The following TG variants were observed in gnomAD, a reference collection of about 807,000 sequenced individuals.
The protein encoded by TG is thyroid hormones.
A neutral mutation model predicts 324.7 loss-of-function variants in TG; 270 were observed. The observed-to-expected ratio is 0.83, with a 90% CI of 0.75 to 0.92. The LOEUF (loss-of-function observed/expected upper bound fraction) is 0.92, where lower values mean the gene tolerates loss of function less well. Ranked by LOEUF, TG falls within the 40% of genes least tolerant of loss-of-function variation. The probability of loss-of-function intolerance (pLI) is 0.00; values close to 1 mark genes in which losing one functional copy is unlikely to be tolerated. For missense variants in TG, 3,591 were observed against 3,456.4 expected (o/e 1.04, Z -0.98); for synonymous variants, 1,401 against 1,327.0 (o/e 1.06, Z -1.21).
At chr8:133,059,190 C>T in intron 41 of TG, 3 of 452,926 alleles carry the variant, frequency 6.6e-6, no homozygotes, top group Middle Eastern at 6.6e-4. Context: ...TGTGTGGTCA[C>T]CCCTGCGAGG....
chr8:133,128,037 TC>T (rs1220577779), intron 45 of TG, among the ~76,000 whole-genome samples: 6 of 152,138 alleles, frequency 3.9e-5, no homozygotes, highest in African/African-American at 1.4e-4. Flanking sequence ...ATTTCATTTC[TC>T]TCTCTTCTTA....
In TG at chr8:132,886,682, A is replaced by T. The variant is rs1278054295; in HGVS notation, c.1310A>T (p.Glu437Val). ...CAGAGCCAACAGTTTTCTGTCTCAGAAAATCTTCTCAAAGAAGCCATCCGA... is the reference window on the plus strand; with the variant it reads ...CAGAGCCAACAGTTTTCTGTCTCAGTAAATCTTCTCAAAGAAGCCATCCGA... ...EGQSQQFSVS[E>V]NLLKEAIRAI... is the part of the protein sequence containing the mutation. Residue 437 changes from glutamate to valine, a missense_variant, in exon 9 of 48, where the codon GAA becomes GTA. Physicochemically the swap from Glu to Val is moderately radical, Grantham distance 121. Transcript: ENST00000220616. 6 of 1,614,092 alleles carry T rather than the reference A, an allele frequency of 3.7e-6. No individual in the cohort carries two copies. The highest frequency in any genetic ancestry group is 5.1e-6 in the Non-Finnish European group (6 of 1,180,052).
chr8:133,008,445 A>G (rs1834212068), intron 35 of TG, among the ~76,000 whole-genome samples: 1 of 152,226 alleles, frequency 6.6e-6, no homozygotes, highest in African/African-American at 2.4e-5. Context: ...ATTAAAGGAG[A>G]GATTATATTT....
chr8:133,043,634 A>G (rs1838745842), intron 41 of TG, among the ~76,000 whole-genome samples: 1 of 152,178 alleles, frequency 6.6e-6, no homozygotes, highest in Non-Finnish European at 1.5e-5. Context: ...ACCTTGCCCA[A>G]GGCCTCACAA....
chr8:132,925,292 T>G (rs1821682435), intron 22 of TG, among the ~76,000 whole-genome samples: 1 of 152,200 alleles, frequency 6.6e-6, no homozygotes, highest in South Asian at 2.1e-4. Context: ...CTTTGTATTC[T>G]TCATTCTACC....
At chr8:132,947,041 G>T (rs1462498625) in intron 26 of TG, among the ~76,000 whole-genome samples, 1 of 152,176 alleles carries the variant, frequency 6.6e-6, no homozygotes, top group Non-Finnish European at 1.5e-5. Context: ...CTCTGAGTGT[G>T]CCCCTTGCTG....
intron 28 of TG, among the ~76,000 whole-genome samples, chr8:132,962,705 A>T (rs937145773): frequency 5.3e-5 from 8 of 152,222 alleles, no homozygotes; most frequent in African/African-American, 1.7e-4. Flanking sequence ...CTACCTACAC[A>T]GGGAGTTATA....
intron 35 of TG, among the ~76,000 whole-genome samples, chr8:132,996,986 G>A (rs1167373824): frequency 2.0e-5 from 3 of 152,296 alleles, no homozygotes; most frequent in Non-Finnish European, 4.4e-5. Context: ...AGATTTCAGG[G>A]AAACTCAGAC....
chr8:132,872,317 A>C (rs1839560557), intron 4 of TG, among the ~76,000 whole-genome samples: 1 of 151,622 alleles, frequency 6.6e-6, no homozygotes. Context: ...TCTCTACTAA[A>C]AATACAAAAA....
intron 4 of TG, 60 bp downstream of exon 4, chr8:132,871,611 T>G: frequency 6.4e-7 from 1 of 1,550,480 alleles, no homozygotes; most frequent in Non-Finnish European, 8.8e-7. Context: ...CTTTCCTCAC[T>G]GCGATCCAAC....
In TG at chr8:133,102,497, C is replaced by G. The variant is rs916557693; in HGVS notation, c.7572+6124C>G. 2.6e-5 allele frequency: 39 copies of G among 1,520,090 alleles called. No individual in the cohort carries two copies. In the South Asian group the frequency reaches 4.3e-4, roughly 17 times the overall value. 94.2% of individuals were successfully genotyped at this position (1,520,090 alleles called of 1,614,324 possible). A position where few individuals can be genotyped will look rare whatever the true frequency, so the allele number is the denominator to read the frequency against. ...GAAGACCCTCCCCCACATACCACCC[C>G]AGGCCACCTATGGCCCACCCAGGGG... On this transcript the variant is annotated intron_variant, in intron 43 of 47. Transcript: ENST00000220616.
chr8:133,081,721 T>C (rs2702979), intron 41 of TG, among the ~76,000 whole-genome samples: 69,765 of 152,014 alleles, frequency 0.46, 16,390 homozygotes, highest in African/African-American at 0.52. Flanking sequence ...TCGGGGGAGA[T>C]CTTACTGTTC....
intron 35 of TG, among the ~76,000 whole-genome samples, chr8:132,997,900 T>G (rs1228560238): frequency 6.6e-6 from 1 of 152,254 alleles, no homozygotes. Flanking sequence ...TTTAGGGAAA[T>G]GGGTCACCTG....
intron 30 of TG, 79 bp from the exon 31 acceptor site, chr8:132,967,715 C>T: frequency 6.6e-7 from 1 of 1,515,166 alleles, no homozygotes; most frequent in South Asian, 1.2e-5. Flanking sequence ...GGCATTTCCC[C>T]ACCCAGAGAA....
At chr8:133,040,132 T>C in intron 41 of TG, 1 of 1,578,310 alleles carries the variant, frequency 6.3e-7, no homozygotes, top group Non-Finnish European at 8.6e-7. Context: ...CAGCCACCTC[T>C]GAGGAGGGAA....
intron 41 of TG, among the ~76,000 whole-genome samples, chr8:133,078,350 G>A (rs1845217074): frequency 6.6e-6 from 1 of 152,214 alleles, no homozygotes; most frequent in African/African-American, 2.4e-5. Context: ...GAGAGGAAGA[G>A]CAGGAGGTGG....
intron 25 of TG, among the ~76,000 whole-genome samples, chr8:132,937,997 A>G (rs1283883093): frequency 6.6e-6 from 1 of 152,110 alleles, no homozygotes; most frequent in African/African-American, 2.4e-5. Context: ...GGAGTGGAGG[A>G]GGAGGGGAGG....
chr8:132,913,064 A>G lies in TG; in HGVS notation c.4177A>G (p.Lys1393Glu). 1 of 1,614,128 alleles carries G rather than the reference A, an allele frequency of 6.2e-7. No individual in the cohort carries two copies. The highest frequency in any genetic ancestry group is 8.5e-7 in the Non-Finnish European group (1 of 1,180,006). The change falls in exon 20 of 48, where the codon AAG becomes GAG. Residue 1393 changes from lysine (K) to glutamate (E), a missense_variant. Transcript: ENST00000220616. ...TCTTACAGAGAGAGCCTTGGTGGGC[A>G]AGGATCTCCTTGGGCGCTTCACAGA... ...LHDIERALVG[K>E]DLLGRFTDLI... is the part of the protein sequence containing the mutation.
In TG at chr8:133,058,896, A is replaced by AT. The variant is rs149520911; in HGVS notation, c.7239+28875dup. Among the ~76,000 whole-genome samples the AT allele has an allele frequency of 5.1e-3, 773 of 152,192 alleles. 13 individuals carry two copies. The highest frequency in any genetic ancestry group is 0.018 in the African/African-American group (744 of 41,520). The stretch of plus-strand genomic sequence containing the variant: ...TCACTAGATAAATAAGAGCACTAGG[A>AT]TTGTTCTGCATCTGACTTGAAAGGG... On this transcript the variant is annotated intron_variant, in intron 41 of 47. Coordinates refer to ENST00000220616, the MANE Select transcript of TG (RefSeq NM_003235.5).
Sources: gnomAD v4.1 joint callset for allele counts (sites outside exome capture counted in the v4.1 genomes callset) on GRCh38, gnomAD v4.1.1 for gene constraint, MANE v1.5 for transcripts, NCBI Gene and HGNC (gene_info 2026-07-23, HGNC 2026-07-21) for gene names.